Variants in RTTN observed in about 807,000 individuals in gnomAD.
RTTN encodes the protein rotatin.
A neutral mutation model predicts 269.2 loss-of-function variants in RTTN; 182 were observed. That is an observed-to-expected ratio of 0.68 (90% CI 0.60 to 0.76). The LOEUF is 0.76. Ranked by LOEUF, RTTN falls within the 30% of genes least tolerant of loss-of-function variation. The probability of loss-of-function intolerance (pLI) is 0.00; values close to 1 mark genes in which losing one functional copy is unlikely to be tolerated. For missense variants in RTTN, 2,545 were observed against 2,608.6 expected, an observed-to-expected ratio of 0.98 and a Z score of 0.53; for synonymous variants, 1,006 against 963.5, an observed-to-expected ratio of 1.04 and a Z score of -0.82.
chr18:70,100,911 A>G (rs966877479), intron 28 of RTTN, among the ~76,000 whole-genome samples: 2 of 152,202 alleles, frequency 1.3e-5, no homozygotes, highest in African/African-American at 4.8e-5. Flanking sequence ...CCAGCCTTGC[A>G]TCCCAGGGAT....
At chr18:70,058,567 T>C (rs2057886022) in intron 36 of RTTN, among the ~76,000 whole-genome samples, 1 of 152,156 alleles carries the variant, frequency 6.6e-6, no homozygotes, top group Admixed American at 6.6e-5. Context: ...CAAGTAGGAT[T>C]TTTTTAAAGT....
chr18:70,060,038 G>C lies in RTTN; in HGVS notation c.4752C>G (p.His1584Gln). Reference sequence around the variant, plus strand: ...GTGGCCGTGGTGATGTACTTTCCTGGTGACCTATTATTGAAAATAAACATA... The same window carrying C: ...GTGGCCGTGGTGATGTACTTTCCTGCTGACCTATTATTGAAAATAAACATA... ...ASHDQFVAQG[H>Q]QESTSPRPPH... The change falls in exon 36 of 49, where the codon CAC becomes CAG. Residue 1584 changes from histidine to glutamine, a missense_variant. Physicochemically the swap from His to Gln is conservative, Grantham distance 24. Coordinates refer to ENST00000640769, the MANE Select transcript of RTTN (RefSeq NM_173630.4). 1.2e-6 allele frequency: 2 copies of C among 1,606,780 alleles called. No homozygotes were observed.
intron 25 of RTTN, among the ~76,000 whole-genome samples, chr18:70,127,080 T>C (rs1171831539): frequency 1.3e-5 from 2 of 152,004 alleles, no homozygotes. Flanking sequence ...CTTCATGAAA[T>C]TGAGAGTAAA....
At chr18:70,028,156 C>T (rs2056906218) in intron 43 of RTTN, among the ~76,000 whole-genome samples, 1 of 152,078 alleles carries the variant, frequency 6.6e-6, no homozygotes, top group Non-Finnish European at 1.5e-5. Flanking sequence ...AGATTATATC[C>T]TCTATAGTAG....
At position 70,030,107 on chromosome 18, in the gene RTTN, T is replaced by C. The variant is rs1255573675; in HGVS notation, c.5650A>G (p.Asn1884Asp). 2.5e-6 allele frequency: 4 copies of C among 1,608,082 alleles called. No homozygotes were observed. The highest frequency in any genetic ancestry group is 3.4e-6 in the Non-Finnish European group (4 of 1,176,424). Residue 1884 changes from asparagine (N) to aspartate (D), a missense_variant and splice_region_variant, in exon 42 of 49, where the codon AAT (asparagine) becomes GAT (aspartate). By Grantham distance (23) the Asn-to-Asp change is conservative (BLOSUM62 1). Transcript: ENST00000640769. ...RRAQKHALKA[N>D]LIDNCMEQMK... The stretch of plus-strand genomic sequence containing the variant: ...TGCTCCATGCAATTGTCTATAAGAT[T>C]GGCTGAAAGACAAAATCTGCAGTAG...
chr18:70,149,014 A>T lies in RTTN; in HGVS notation c.2196T>A (p.Pro732=), dbSNP rs1168437392. The T allele has an allele frequency of 6.2e-7, 1 of 1,613,452 alleles. No individual in the cohort carries two copies. ...ILQGYADTED[P]LGNCILLLSK... ...TTAGAAGGAGAATGCAGTTACCCAG[A>T]GGATCTTCTGTGTCGGCATAGCCCT... Residue 732 remains proline (P), a synonymous_variant, in exon 17 of 49, where the codon CCT becomes CCA. Coordinates refer to ENST00000640769, the MANE Select transcript of RTTN (RefSeq NM_173630.4).
intron 28 of RTTN, among the ~76,000 whole-genome samples, chr18:70,108,726 T>C (rs189290689): frequency 3.3e-5 from 5 of 152,156 alleles, no homozygotes; most frequent in Admixed American, 3.3e-4. Flanking sequence ...AATCAATCAG[T>C]AATGGAATAT....
chr18:70,177,474 TA>T (rs1364350703), intron 10 of RTTN, among the ~76,000 whole-genome samples: 1 of 152,262 alleles, frequency 6.6e-6, no homozygotes, highest in African/African-American at 2.4e-5. Flanking sequence ...TCTTTTAAAC[TA>T]AAAGGTATAC....
Position 70,055,638 on chromosome 18 carries a change from C to G in RTTN, c.5032-1354G>C, listed in dbSNP as rs562452200. On this transcript the variant is annotated intron_variant, in intron 37 of 48. Coordinates refer to ENST00000640769, the MANE Select transcript of RTTN (RefSeq NM_173630.4). ...ATACTCTACACTACTGAAATTATAG[C>G]AAGTCTGACCTCTGGATGTATGAAA... 2.0e-5 allele frequency among the ~76,000 whole-genome samples: 3 copies of G among 152,202 alleles called. No homozygotes were observed. In the South Asian group the frequency reaches 6.2e-4, roughly 32 times the overall value.
rs561930367 is a variant in RTTN, at chr18:70,029,897, A to C, written c.5745+115T>G. The C allele has an allele frequency of 5.6e-6, 4 of 720,706 alleles. No individual in the cohort carries two copies. In the African/African-American group the frequency reaches 7.1e-5, roughly 13 times the overall value. The allele number at this position is 720,706 out of a possible 1,614,324, so 44.6% of individuals were successfully genotyped here. On this transcript the variant is annotated intron_variant, in intron 42 of 48. Coordinates refer to ENST00000640769, the MANE Select transcript of RTTN (RefSeq NM_173630.4). Reference sequence around the variant, plus strand: ...ATGTAGAAGTCTCATTAATTTATCCATCTGTACCTTTCTTCTAAATGAGAC... The same window carrying C: ...ATGTAGAAGTCTCATTAATTTATCCCTCTGTACCTTTCTTCTAAATGAGAC...
At chr18:70,121,778 C>T (rs1218918175) in intron 25 of RTTN, 78 bp from the exon 26 acceptor site, 2 of 1,300,028 alleles carry the variant, frequency 1.5e-6, no homozygotes, top group Non-Finnish European at 2.1e-6. Context: ...GATATGTGGA[C>T]TTAACAGATG....
chr18:70,147,577 T>C (rs1340664166), intron 17 of RTTN, among the ~76,000 whole-genome samples: 2 of 152,178 alleles, frequency 1.3e-5, no homozygotes. Context: ...GTTCTGAGAA[T>C]ATAAAGATTA....
chr18:70,089,823 G>A (rs937112425), intron 30 of RTTN, among the ~76,000 whole-genome samples: 2 of 152,228 alleles, frequency 1.3e-5, no homozygotes, highest in African/African-American at 4.8e-5. Context: ...TCTAAGCAAA[G>A]TGTTGAAAAA....
intron 44 of RTTN, among the ~76,000 whole-genome samples, chr18:70,023,589 C>CT (rs980459530): frequency 6.6e-6 from 1 of 152,094 alleles, no homozygotes; most frequent in African/African-American, 2.4e-5. Context: ...CCCCGGACAC[C>CT]TTTTTTTCCT....
rs1183552361 is a variant in RTTN at position 70,128,546 on chromosome 18, C to T, written c.2955G>A (p.Arg985=). The part of the protein sequence containing the change: ...VFSLPVSVFR[R]YHLPVHVIGH... ...CAATTACATGAACAGGTAGATGGTA[C>T]CTAAAGAAAATGTGTACAAATAATT... Residue 985 remains arginine (R), a splice_region_variant and synonymous_variant, in exon 24 of 49, where the codon AGG becomes AGA. Transcript: ENST00000640769. 1.2e-6 allele frequency: 2 copies of T among 1,609,660 alleles called. No homozygotes were observed. The highest frequency in any genetic ancestry group is 2.7e-5 in the African/African-American group (2 of 74,670).
chr18:70,195,675 A>G (rs2061788421), intron 7 of RTTN, among the ~76,000 whole-genome samples: 1 of 152,252 alleles, frequency 6.6e-6, no homozygotes, highest in African/African-American at 2.4e-5. Context: ...TCAGGGGCAT[A>G]AAACAGGTAA....
At position 70,173,751 on chromosome 18, in the gene RTTN, G is replaced by A. The variant is rs185155014; in HGVS notation, c.1476+2924C>T. On this transcript the variant is annotated intron_variant, in intron 11 of 48. Transcript: ENST00000640769. ...CATTCAAATTCAGAGATAACCTCAC[G>A]TTTAAAAATACAGTCAGTAAGAAGA... Among the ~76,000 whole-genome samples the A allele has an allele frequency of 2.5e-3, 380 of 152,122 alleles. 4 individuals are homozygous for A. The highest frequency in any genetic ancestry group is 0.024 in the Middle Eastern group (7 of 294).
At chr18:70,162,201 C>A (rs1172236728) in intron 14 of RTTN, among the ~76,000 whole-genome samples, 2 of 152,094 alleles carry the variant, frequency 1.3e-5, no homozygotes, top group Non-Finnish European at 2.9e-5. Flanking sequence ...AAAATAATGT[C>A]TTTTGCAGCA....
intron 28 of RTTN, among the ~76,000 whole-genome samples, chr18:70,094,367 C>T (rs2058938649): frequency 6.6e-6 from 1 of 152,030 alleles, no homozygotes; most frequent in African/African-American, 2.4e-5. Context: ...GCCATTGCTT[C>T]TCTAGTTCTT....
Sources: gnomAD v4.1 joint callset for allele counts (sites outside exome capture counted in the v4.1 genomes callset) on GRCh38, gnomAD v4.1.1 for gene constraint, MANE v1.5 for transcripts, NCBI Gene and HGNC (gene_info 2026-07-23, HGNC 2026-07-21) for gene names.